Variants in VPS50 observed in about 807,000 individuals in gnomAD.
VPS50 encodes the protein VPS50 subunit of EARP/GARPII complex, also known as syndetin.
A neutral mutation model predicts 139.7 loss-of-function variants in VPS50; 70 were observed. The observed-to-expected ratio is 0.50, with a 90% CI of 0.41 to 0.61. VPS50 has a LOEUF of 0.61. Among genes scored for constraint, VPS50 ranks in the 20% least tolerant of loss-of-function variants. The probability of loss-of-function intolerance (pLI) is 0.00; values close to 1 mark genes in which losing one functional copy is unlikely to be tolerated. For synonymous variants in VPS50, 365 were observed against 376.7 expected, an observed-to-expected ratio of 0.97 and a Z score of 0.36; for missense variants, 921 against 1,133.7, an observed-to-expected ratio of 0.81 and a Z score of 2.69.
At chr7:93,288,807 G>T (rs1584431681) in intron 12 of VPS50, among the ~76,000 whole-genome samples, 1 of 152,120 alleles carries the variant, frequency 6.6e-6, no homozygotes, top group Admixed American at 6.6e-5. Context: ...GTTGAGCAGG[G>T]GCTTAGTGGA....
At chr7:93,339,583 T>C (rs1167288746) in intron 22 of VPS50, among the ~76,000 whole-genome samples, 1 of 152,190 alleles carries the variant, frequency 6.6e-6, no homozygotes, top group Non-Finnish European at 1.5e-5. Flanking sequence ...TTGAGGGTTT[T>C]TTAAAGCTAT....
intron 12 of VPS50, among the ~76,000 whole-genome samples, chr7:93,286,441 A>T (rs1329470902): frequency 2.6e-5 from 4 of 152,184 alleles, no homozygotes; most frequent in Non-Finnish European, 5.9e-5. Flanking sequence ...TCAACCAGTG[A>T]TGAAATAGGA....
chr7:93,311,297 A>T, intron 20 of VPS50, 25 bp downstream of exon 20: 2 of 884,254 alleles, frequency 2.3e-6, no homozygotes, highest in Non-Finnish European at 1.9e-6. Flanking sequence ...CTTTAAAAAA[A>T]ATTATAACAG....
intron 22 of VPS50, among the ~76,000 whole-genome samples, chr7:93,335,878 C>T (rs915293529): frequency 3.9e-5 from 6 of 152,304 alleles, no homozygotes; most frequent in East Asian, 1.9e-4. Flanking sequence ...AGATTTGACC[C>T]TTAAGATGTG....
At chr7:93,358,281 T>C in intron 27 of VPS50, 36 bp from the exon 28 acceptor site, 1 of 1,605,994 alleles carries the variant, frequency 6.2e-7, no homozygotes, top group Non-Finnish European at 8.5e-7. Context: ...ACATTCCTTT[T>C]AGGGTACTAA....
At chr7:93,254,932 C>T (rs1795443592) in intron 4 of VPS50, among the ~76,000 whole-genome samples, 1 of 151,978 alleles carries the variant, frequency 6.6e-6, no homozygotes, top group Non-Finnish European at 1.5e-5. Context: ...CTATTACACT[C>T]AGAAGTCTCA....
At chr7:93,310,712 G>A (rs1476988327) in intron 19 of VPS50, among the ~76,000 whole-genome samples, 1 of 151,714 alleles carries the variant, frequency 6.6e-6, no homozygotes, top group Non-Finnish European at 1.5e-5. Flanking sequence ...CCTATTTTAT[G>A]CCGGCCCTTT....
At position 93,349,859 on chromosome 7, in the gene VPS50, G is replaced by A; in HGVS notation, c.2305-16G>A. 1 of 1,590,762 alleles carries A rather than the reference G, an allele frequency of 6.3e-7. No homozygotes were observed. The highest frequency in any genetic ancestry group is 8.6e-7 in the Non-Finnish European group (1 of 1,169,098). On this transcript the variant is annotated splice_polypyrimidine_tract_variant and intron_variant, in intron 24 of 27. Transcript: ENST00000305866. ...TTAGAAAATAATTGTTTTCATTTTT[G>A]TGAAATTTATTTCAGACAGTCTCAA...
chr7:93,310,863 A>G (rs1264373911), intron 19 of VPS50, among the ~76,000 whole-genome samples: 2 of 152,254 alleles, frequency 1.3e-5, no homozygotes, highest in Middle Eastern at 6.8e-3. Flanking sequence ...ATCAAGAAAC[A>G]GTACATTTGC....
intron 18 of VPS50, among the ~76,000 whole-genome samples, chr7:93,308,223 C>T (rs536092433): frequency 2.0e-5 from 3 of 151,880 alleles, no homozygotes; most frequent in Admixed American, 2.0e-4. Flanking sequence ...TGGCATTGGG[C>T]CATGGTGCCA....
At chr7:93,344,588 T>G (rs948074867) in intron 23 of VPS50, among the ~76,000 whole-genome samples, 3 of 151,716 alleles carry the variant, frequency 2.0e-5, no homozygotes, top group African/African-American at 7.3e-5. Context: ...GAAGTAAAGC[T>G]CTCCTCAGCA....
At chr7:93,309,013 G>A in intron 19 of VPS50, 71 bp downstream of exon 19, 1 of 721,334 alleles carries the variant, frequency 1.4e-6, no homozygotes, top group Non-Finnish European at 2.3e-6. Context: ...TTTCCTTTAA[G>A]GTTAAGAAGA....
At chr7:93,265,912 C>T (rs1408130059) in intron 9 of VPS50, among the ~76,000 whole-genome samples, 1 of 152,178 alleles carries the variant, frequency 6.6e-6, no homozygotes, top group East Asian at 1.9e-4. Flanking sequence ...TAAGTGAAGA[C>T]AGACATCTAG....
At chr7:93,295,349 C>T (rs1340263237) in intron 14 of VPS50, 2 of 152,116 alleles carry the variant, frequency 1.3e-5, no homozygotes, top group African/African-American at 4.8e-5. Flanking sequence ...TATAGGGGAA[C>T]TAATCTAATT....
chr7:93,322,548 C>T (rs996660137), intron 20 of VPS50, among the ~76,000 whole-genome samples: 1 of 137,504 alleles, frequency 7.3e-6, no homozygotes, highest in African/African-American at 2.8e-5. Flanking sequence ...TGCAGTGAGC[C>T]GAGATCGCGC....
chr7:93,271,332 C>T, intron 10 of VPS50, 70 bp downstream of exon 10: 1 of 1,441,578 alleles, frequency 6.9e-7, no homozygotes, highest in Non-Finnish European at 9.1e-7. Context: ...CTAGGTGCAA[C>T]ATTGTGTTTT....
chr7:93,273,833 G>A (rs931966623), intron 11 of VPS50, among the ~76,000 whole-genome samples: 8 of 152,054 alleles, frequency 5.3e-5, no homozygotes, highest in East Asian at 1.9e-4. Flanking sequence ...TGTCAGTGCC[G>A]TTTTTCCAAC....
chr7:93,323,765 CT>C, intron 21 of VPS50, 33 bp downstream of exon 21: 1 of 1,229,610 alleles, frequency 8.1e-7, no homozygotes, highest in Non-Finnish European at 1.1e-6. Context: ...AAAAATCTTT[CT>C]TTTAAAATTT....
chr7:93,268,436 A>G (rs1157559397), intron 9 of VPS50, among the ~76,000 whole-genome samples: 3 of 152,004 alleles, frequency 2.0e-5, no homozygotes, highest in Non-Finnish European at 4.4e-5. Context: ...TCACCTAGGT[A>G]TTAAATCTGG....
Sources: gnomAD v4.1 joint callset for allele counts (sites outside exome capture counted in the v4.1 genomes callset) on GRCh38, gnomAD v4.1.1 for gene constraint, MANE v1.5 for transcripts, NCBI Gene and HGNC (gene_info 2026-07-23, HGNC 2026-07-21) for gene names.